The following TARS3 variants were observed in gnomAD, a reference collection of about 807,000 sequenced individuals.
The protein encoded by TARS3 is threonine--tRNA ligase 2, cytoplasmic.
Under a neutral mutation model 103.5 loss-of-function variants are expected in TARS3, and 94 were observed. The ratio of observed to expected loss-of-function variants is 0.91; its 90% CI spans 0.77 to 1.08. The LOEUF is 1.08. Among genes scored for constraint, TARS3 ranks in the 50% least tolerant of loss-of-function variants. The probability of loss-of-function intolerance (pLI) is 0.00; values close to 1 mark genes in which losing one functional copy is unlikely to be tolerated. For synonymous variants in TARS3, 416 were observed against 355.4 expected (o/e 1.17, Z -1.92); for missense variants, 952 against 995.2 (o/e 0.96, Z 0.58).
At chr15:101,679,448 G>A (rs1472645099) in intron 12 of TARS3, among the ~76,000 whole-genome samples, 1 of 151,960 alleles carries the variant, frequency 6.6e-6, no homozygotes, top group African/African-American at 2.4e-5. Context: ...ATTTCCATTT[G>A]GTTCTTCTTT....
Position 101,702,250 on chromosome 15 carries a change from T to G in TARS3, c.1210A>C (p.Lys404Gln). 1 of 1,614,208 alleles carries G rather than the reference T, an allele frequency of 6.2e-7. No homozygotes were observed. The highest frequency in any genetic ancestry group is 1.6e-4 in the Middle Eastern group (1 of 6,062). ...QEEAKNRDHR[K>Q]IGKEQELFFF... ...GATGTGGGGCATACCTTCCCGATCT[T>G]CCTGTGATCTCGGTTCTTTGCTTCC... Residue 404 changes from lysine (K) to glutamine (Q), a missense_variant, in exon 9 of 19, where the codon AAG becomes CAG. This residue lies in a region of TARS3 where 540 missense variants were observed against 631.0 expected (regional missense o/e 0.86). Coordinates refer to ENST00000335968, the MANE Select transcript of TARS3 (RefSeq NM_152334.3).
chr15:101,667,075 T>C (rs1415268281), intron 15 of TARS3, among the ~76,000 whole-genome samples: 1 of 152,238 alleles, frequency 6.6e-6, no homozygotes, highest in Admixed American at 6.5e-5. Flanking sequence ...ATCAGAGCTC[T>C]TGGATGACCA....
chr15:101,671,678 C>T lies in TARS3; in HGVS notation c.1859G>A (p.Gly620Asp), dbSNP rs754391412. Residue 620 changes from glycine to aspartate, a missense_variant, in exon 14 of 19, where the codon GGC becomes GAC. Transcript: ENST00000335968. ...AGCATGTGGTCGACTCACTTTAGGG[C>T]CATAAAATGCTCCATCTCCTGGGTT... ...KMNPGDGAFY[G>D]PKIDIKIKDA... is the part of the protein sequence containing the mutation. The T allele has an allele frequency of 1.2e-5, 20 of 1,614,012 alleles. No homozygotes were observed. Among genetic ancestry groups the T allele is most frequent in the Non-Finnish European group, 1.7e-5 (20 of 1,179,970 alleles).
intron 15 of TARS3, among the ~76,000 whole-genome samples, chr15:101,666,673 C>T (rs566947444): frequency 6.6e-6 from 1 of 152,160 alleles, no homozygotes; most frequent in Non-Finnish European, 1.5e-5. Flanking sequence ...AAGACATTCT[C>T]AGATGAAAGA....
At position 101,675,612 on chromosome 15, in the gene TARS3, A is replaced by G. The variant is rs574409464; in HGVS notation, c.1776T>C (p.Asn592=). Residue 592 remains asparagine, a synonymous_variant, in exon 13 of 19, where the codon AAT becomes AAC. Transcript: ENST00000335968. ...GTGTGTCTCTTACCTTCTCAGCCTC[A>G]TTCCACATCTCAATCTCTCCTAGGA... ...ENFLGEIEMW[N]EAEKQLQNSL... The G allele has an allele frequency of 1.2e-6, 2 of 1,613,334 alleles. No individual in the cohort carries two copies. Among genetic ancestry groups the G allele is most frequent in the East Asian group, 4.5e-5 (2 of 44,848 alleles).
chr15:101,689,100 C>G (rs1898596879), intron 10 of TARS3, among the ~76,000 whole-genome samples: 1 of 152,144 alleles, frequency 6.6e-6, no homozygotes, highest in Admixed American at 6.5e-5. Context: ...GCTCCCTTTA[C>G]TATAGAACTG....
intron 12 of TARS3, among the ~76,000 whole-genome samples, chr15:101,676,250 G>A (rs977671191): frequency 7.2e-5 from 11 of 152,204 alleles, no homozygotes; most frequent in African/African-American, 1.9e-4. Context: ...TGAGAACAAC[G>A]GGGAGGCAAT....
chr15:101,667,222 G>A (rs192025960), intron 15 of TARS3, among the ~76,000 whole-genome samples: 128 of 152,090 alleles, frequency 8.4e-4, no homozygotes, highest in Non-Finnish European at 7.8e-4. Flanking sequence ...CTTTGTTGTT[G>A]CATTTCTAGA....
At chr15:101,676,779 T>C (rs1489608587) in intron 12 of TARS3, among the ~76,000 whole-genome samples, 1 of 151,822 alleles carries the variant, frequency 6.6e-6, no homozygotes, top group Non-Finnish European at 1.5e-5. Flanking sequence ...AGTGCTGGGA[T>C]TATAGGCATG....
At chr15:101,667,367 T>C (rs1278912005) in intron 15 of TARS3, among the ~76,000 whole-genome samples, 3 of 152,214 alleles carry the variant, frequency 2.0e-5, no homozygotes, top group Admixed American at 6.5e-5. Flanking sequence ...TTTTGAAGTT[T>C]TGAAGCCAGT....
chr15:101,705,436 A>G (rs533443455), intron 7 of TARS3, among the ~76,000 whole-genome samples: 3 of 152,334 alleles, frequency 2.0e-5, no homozygotes, highest in Middle Eastern at 3.4e-3. Flanking sequence ...TATCACTCAC[A>G]TGGAGAAAAA....
chr15:101,659,367 TATATA>T (rs959065357), intron 16 of TARS3, among the ~76,000 whole-genome samples: 1 of 152,054 alleles, frequency 6.6e-6, no homozygotes, highest in African/African-American at 2.4e-5. Flanking sequence ...AAATACAGGG[TATATA>T]ATGGCAACTA....
intron 15 of TARS3, among the ~76,000 whole-genome samples, chr15:101,666,885 CA>C (rs1897600480): frequency 6.6e-6 from 1 of 152,106 alleles, no homozygotes; most frequent in Non-Finnish European, 1.5e-5. Context: ...TGATTGAAAA[CA>C]AAAATAATAT....
chr15:101,701,782 CTTTTT>C (rs936936134), intron 9 of TARS3, among the ~76,000 whole-genome samples: 77 of 147,796 alleles, frequency 5.2e-4, no homozygotes, highest in Admixed American at 1.5e-3. Flanking sequence ...AAAAACAACT[CTTTTT>C]TTTTTTGAGA....
At chr15:101,721,481 T>G (rs1206676547) in intron 2 of TARS3, among the ~76,000 whole-genome samples, 159 bp from the exon 3 acceptor site, 11 of 152,144 alleles carry the variant, frequency 7.2e-5, no homozygotes, top group Admixed American at 2.6e-4. Flanking sequence ...TGTTGTTGTT[T>G]TTTGGTTTGT....
chr15:101,692,615 C>T (rs901902277), intron 10 of TARS3, among the ~76,000 whole-genome samples: 1 of 147,784 alleles, frequency 6.8e-6, no homozygotes, highest in African/African-American at 2.5e-5. Flanking sequence ...TACTCCATCT[C>T]CTCACTTCTC....
rs576211663 is a variant in TARS3 at position 101,705,065 on chromosome 15, G to A, written c.995+618C>T. 5.3e-5 allele frequency among the ~76,000 whole-genome samples: 8 copies of A among 152,202 alleles called. No homozygotes were observed. In the South Asian group the frequency reaches 1.0e-3, roughly 20 times the overall value. On this transcript the variant is annotated intron_variant, in intron 7 of 18. Transcript: ENST00000335968. The stretch of plus-strand genomic sequence containing the variant: ...CAGCACCCAGATGGCCGGAACACAC[G>A]GAAAGGGGAACAGCAATGACATATA...
At chr15:101,664,029 G>T (rs1230395878) in intron 15 of TARS3, 1 of 152,068 alleles carries the variant, frequency 6.6e-6, no homozygotes, top group East Asian at 1.9e-4. Flanking sequence ...CTCAATCATG[G>T]TGATGACCTT....
At chr15:101,663,554 TTTA>T (rs1897465143) in intron 15 of TARS3, among the ~76,000 whole-genome samples, 1 of 152,226 alleles carries the variant, frequency 6.6e-6, no homozygotes. Flanking sequence ...TATATTTATA[TTTA>T]TTAAGTTTAT....
Sources: allele counts gnomAD v4.1 joint callset (sites outside exome capture counted in the v4.1 genomes callset), GRCh38; gene constraint gnomAD v4.1.1; regional missense constraint gnomAD v4.1.1; transcripts MANE v1.5; gene names NCBI Gene and HGNC (gene_info 2026-07-23, HGNC 2026-07-21).